Variants in AARS1 observed in about 807,000 individuals in gnomAD.
AARS1 encodes the protein alanyl-tRNA synthetase 1, also known as alanine--tRNA ligase, cytoplasmic.
AARS1 carries 72 observed loss-of-function variants against 108.9 expected under a neutral mutation model. The ratio of observed to expected loss-of-function variants is 0.66; its 90% CI spans 0.55 to 0.80. The LOEUF (loss-of-function observed/expected upper bound fraction) is 0.80, where lower values mean the gene tolerates loss of function less well. Among genes scored for constraint, AARS1 ranks in the 30% least tolerant of loss-of-function variants. The probability of loss-of-function intolerance (pLI) is 0.00; values close to 1 mark genes in which losing one functional copy is unlikely to be tolerated. For synonymous variants in AARS1, 489 were observed against 465.7 expected, an observed-to-expected ratio of 1.05 and a Z score of -0.64; for missense variants, 1,193 against 1,233.2, an observed-to-expected ratio of 0.97 and a Z score of 0.49.
chr16:70,255,449 C>T (rs990473873), intron 16 of AARS1, among the ~76,000 whole-genome samples: 47 of 152,196 alleles, frequency 3.1e-4, no homozygotes, highest in African/African-American at 1.1e-3. Flanking sequence ...CCACCCGCCT[C>T]GGCCTCCCAA....
intron 15 of AARS1, 61 bp downstream of exon 15, chr16:70,257,972 C>T: frequency 1.3e-6 from 2 of 1,591,462 alleles, no homozygotes; most frequent in Non-Finnish European, 1.7e-6. Context: ...CAGCCTAAGA[C>T]CTACATCCTC....
chr16:70,261,251 C>T, intron 12 of AARS1, 94 bp from the exon 13 acceptor site: 1 of 861,430 alleles, frequency 1.2e-6, no homozygotes, highest in South Asian at 1.4e-5. Flanking sequence ...TATAACTTCT[C>T]TTTACATATG....
intron 11 of AARS1, among the ~76,000 whole-genome samples, chr16:70,262,996 A>AAAAAAAAACAAAAAC (rs1555540563): frequency 7.7e-6 from 1 of 129,062 alleles, no homozygotes; most frequent in Non-Finnish European, 1.6e-5. Flanking sequence ...AAAAAAAAAA[A>AAAAAAAAACAAAAAC]AACAACAACA....
intron 7 of AARS1, 92 bp from the exon 8 acceptor site, chr16:70,268,471 G>A: frequency 1.9e-6 from 2 of 1,058,608 alleles, no homozygotes; most frequent in Non-Finnish European, 2.9e-6. Context: ...ACCTCTTTCA[G>A]GAACTTTCTT....
intron 12 of AARS1, among the ~76,000 whole-genome samples, chr16:70,261,821 C>T (rs996280723): frequency 6.6e-6 from 1 of 151,734 alleles, no homozygotes; most frequent in African/African-American, 2.4e-5. Context: ...AGGCATCCAC[C>T]ACCATACCTG....
intron 2 of AARS1, among the ~76,000 whole-genome samples, chr16:70,277,634 C>T (rs986354352): frequency 1.3e-5 from 2 of 152,156 alleles, no homozygotes; most frequent in East Asian, 1.9e-4. Context: ...CTAGCTGGGA[C>T]GGCCTTGCTC....
rs538982814 is a variant in AARS1 at position 70,277,285 on chromosome 16, T to G, written c.145-131A>C. On this transcript the variant is annotated intron_variant, in intron 2 of 20. Coordinates refer to ENST00000261772, the MANE Select transcript of AARS1 (RefSeq NM_001605.3). ...TTAACATGCCTGGAATATAGACACT[T>G]GTCAGAACAGGTGGCCTGGTGGAGC... 1.4e-4 allele frequency: 145 copies of G among 1,026,478 alleles called. No homozygotes were observed. In the African/African-American group the frequency reaches 2.2e-3, roughly 15 times the overall value. The allele number at this position is 1,026,478 out of a possible 1,614,324, so 63.6% of individuals were successfully genotyped here. A position where few individuals can be genotyped will look rare whatever the true frequency, so the allele number is the denominator to read the frequency against.
At position 70,253,753 on chromosome 16, in the gene AARS1, A is replaced by C; in HGVS notation, c.2568T>G (p.Pro856=). ...KQFIDSNPNQ[P]LVILEMESGA... ...CGCTCTCCATCTCCAGGATGACAAG[A>C]GGCTGGTTGGGGTTGCTGTCGATGA... The change falls in exon 19 of 21, where the codon CCT becomes CCG. Residue 856 remains proline (P), a synonymous_variant. Transcript: ENST00000261772. 1 of 1,614,162 alleles carries C rather than the reference A, an allele frequency of 6.2e-7. No individual in the cohort carries two copies. The highest frequency in any genetic ancestry group is 8.5e-7 in the Non-Finnish European group (1 of 1,180,030).
At chr16:70,287,660 T>C (rs1179294421) in intron 1 of AARS1, among the ~76,000 whole-genome samples, 1 of 151,878 alleles carries the variant, frequency 6.6e-6, no homozygotes, top group Admixed American at 6.6e-5. Flanking sequence ...AAAGGGTCGC[T>C]TGAGCACATA....
rs761669458 is a variant in AARS1 at position 70,267,803 on chromosome 16, C to A, written c.1078G>T (p.Ala360Ser). Reference protein sequence around the residue: ...VDVVVQSLGDAFPELKKDPDM... With the variant: ...VDVVVQSLGDSFPELKKDPDM... ...GGGTCCTTCTTCAGCTCAGGAAATG[C>A]ATCTCCCTGACAAAGGGGAAGCAAG... Residue 360 changes from alanine to serine, a missense_variant, in exon 9 of 21, where the codon GCA (alanine) becomes TCA (serine). Transcript: ENST00000261772. 1 of 1,614,036 alleles carries A rather than the reference C, an allele frequency of 6.2e-7. No homozygotes were observed. Among genetic ancestry groups the A allele is most frequent in the Non-Finnish European group, 8.5e-7 (1 of 1,180,042 alleles).
chr16:70,276,604 G>T lies in AARS1; in HGVS notation c.361C>A (p.Leu121Ile). The T allele has an allele frequency of 6.2e-7, 1 of 1,614,078 alleles. No homozygotes were observed. The highest frequency in any genetic ancestry group is 8.5e-7 in the Non-Finnish European group (1 of 1,180,014). ...KELACKMALELLTQEFGIPIE... is the reference protein window; with the variant it reads ...KELACKMALEILTQEFGIPIE... ...GGAATGCCAAACTCTTGGGTGAGGA[G>T]TTCCAGAGCCATCTTACATGCCAAT... The change falls in exon 4 of 21, where the codon CTC becomes ATC. Residue 121 changes from leucine to isoleucine, a missense_variant. Coordinates refer to ENST00000261772, the MANE Select transcript of AARS1 (RefSeq NM_001605.3).
chr16:70,270,273 G>T lies in AARS1; in HGVS notation c.739C>A (p.Leu247Met), dbSNP rs557956516. 10 of 1,614,178 alleles carry T rather than the reference G, an allele frequency of 6.2e-6. No individual in the cohort carries two copies. In the South Asian group the frequency reaches 9.9e-5, roughly 16 times the overall value. ...ATCTTATTCTGCAGCACAGATACCA[G>T]TCGTTCCAGGCCCATCCCTGTGTCA... ...SIDTGMGLER[L>M]VSVLQNKMSN... Residue 247 changes from leucine (L) to methionine (M), a missense_variant, in exon 6 of 21, where the codon CTG becomes ATG. Coordinates refer to ENST00000261772, the MANE Select transcript of AARS1 (RefSeq NM_001605.3).
At chr16:70,253,648 A>G (rs757428222) in intron 19 of AARS1, 66 bp downstream of exon 19, 3 of 1,552,344 alleles carry the variant, frequency 1.9e-6, no homozygotes, top group Non-Finnish European at 1.8e-6. Context: ...AGAGCCACAG[A>G]GGCCACATGT....
Position 70,252,911 on chromosome 16 carries a change from A to C in AARS1, c.2722-5T>G. On this transcript the variant is annotated splice_polypyrimidine_tract_variant and splice_region_variant and intron_variant, in intron 20 of 20. Transcript: ENST00000261772. ...TAAGCCCCGATTGGCTGCATTCTAGAAGACAGGAAGGGAAGGGGGAGTCAG... is the reference window on the plus strand; with the variant it reads ...TAAGCCCCGATTGGCTGCATTCTAGCAGACAGGAAGGGAAGGGGGAGTCAG... 6.2e-7 allele frequency: 1 copy of C among 1,614,092 alleles called. No individual in the cohort carries two copies. Among genetic ancestry groups the C allele is most frequent in the Non-Finnish European group, 8.5e-7 (1 of 1,180,004 alleles).
At position 70,267,725 on chromosome 16, in the gene AARS1, G is replaced by A; in HGVS notation, c.1156C>T (p.Leu386Phe). Residue 386 changes from leucine to phenylalanine, a missense_variant, in exon 9 of 21, where the codon CTC (leucine) becomes TTC (phenylalanine). Physicochemically the swap from Leu to Phe is conservative, Grantham distance 22 (BLOSUM62 0). Transcript: ENST00000261772. ...NEEEVQFLKTLSRGRRILDRK... is the reference protein window; with the variant it reads ...NEEEVQFLKTFSRGRRILDRK... ...TCCAGGATGCGACGCCCTCTGCTGAGAGTCTTGAGAAACTGCACCTCTTCT... is the reference window on the plus strand; with the variant it reads ...TCCAGGATGCGACGCCCTCTGCTGAAAGTCTTGAGAAACTGCACCTCTTCT... 1 of 1,614,168 alleles carries A rather than the reference G, an allele frequency of 6.2e-7. No individual in the cohort carries two copies. Among genetic ancestry groups the A allele is most frequent in the Non-Finnish European group, 8.5e-7 (1 of 1,180,042 alleles).
intron 2 of AARS1, among the ~76,000 whole-genome samples, chr16:70,282,328 C>CA (rs1960717502): frequency 3.1e-5 from 1 of 32,522 alleles, no homozygotes; most frequent in Non-Finnish European, 4.9e-5. Context: ...GACTCCGTCT[C>CA]AGGAAAAAAA....
At chr16:70,269,212 C>G (rs967001718) in intron 7 of AARS1, among the ~76,000 whole-genome samples, 4 of 151,516 alleles carry the variant, frequency 2.6e-5, no homozygotes, top group African/African-American at 9.7e-5. Flanking sequence ...CCCATCTATT[C>G]GGGAGGCTGA....
At chr16:70,277,284 T>C (rs1369950265) in intron 2 of AARS1, 130 bp from the exon 3 acceptor site, 15 of 1,030,692 alleles carry the variant, frequency 1.5e-5, no homozygotes, top group Non-Finnish European at 1.9e-5. Context: ...ATATAGACAC[T>C]TGTCAGAACA....
At chr16:70,258,000 G>A (rs1960031083) in intron 15 of AARS1, 33 bp downstream of exon 15, 1 of 1,611,502 alleles carries the variant, frequency 6.2e-7, no homozygotes, top group Non-Finnish European at 8.5e-7. Context: ...GAAGGTAGAT[G>A]ACCTGTCTAC....
Sources: gnomAD v4.1 joint callset for allele counts (sites outside exome capture counted in the v4.1 genomes callset) on GRCh38, gnomAD v4.1.1 for gene constraint, MANE v1.5 for transcripts, NCBI Gene and HGNC (gene_info 2026-07-23, HGNC 2026-07-21) for gene names.